ENTPD1: variants seen among roughly 807,000 people sequenced by gnomAD.
ENTPD1 encodes ATP diphosphohydrolase.
A neutral mutation model predicts 57.0 loss-of-function variants in ENTPD1; 33 were observed. The ratio of observed to expected loss-of-function variants is 0.58; its 90% CI spans 0.44 to 0.77. The LOEUF (loss-of-function observed/expected upper bound fraction) is 0.77, where lower values mean the gene tolerates loss of function less well. Ranked by LOEUF, ENTPD1 falls within the 30% of genes least tolerant of loss-of-function variation. ENTPD1 has a pLI of 0.00. For synonymous variants in ENTPD1, 202 were observed against 218.8 expected, an observed-to-expected ratio of 0.92 and a Z score of 0.68; for missense variants, 501 against 603.4, an observed-to-expected ratio of 0.83 and a Z score of 1.78.
intron 1 of ENTPD1, among the ~76,000 whole-genome samples, chr10:95,744,641 T>C (rs1165006448): frequency 6.6e-6 from 1 of 150,728 alleles, no homozygotes; most frequent in Non-Finnish European, 1.5e-5. Context: ...AAAAAGTGAC[T>C]AGGTCAGCAC....
At chr10:95,722,797 C>A (rs951908110) in intron 1 of ENTPD1, among the ~76,000 whole-genome samples, 1 of 152,136 alleles carries the variant, frequency 6.6e-6, no homozygotes, top group Non-Finnish European at 1.5e-5. Context: ...AGATTTAAAT[C>A]CCCTGTTAGG....
intron 1 of ENTPD1, among the ~76,000 whole-genome samples, chr10:95,749,056 A>C (rs2098009034): frequency 6.6e-6 from 1 of 152,180 alleles, no homozygotes; most frequent in Non-Finnish European, 1.5e-5. Context: ...CCCTTTTGTT[A>C]TGTGAACAGT....
intron 1 of ENTPD1, among the ~76,000 whole-genome samples, chr10:95,724,325 A>G (rs1443169525): frequency 6.6e-6 from 1 of 152,172 alleles, no homozygotes. Flanking sequence ...AAGTGGTCCA[A>G]TATTACCACT....
chr10:95,750,821 G>A (rs528352007), upstream of ENTPD1, among the ~76,000 whole-genome samples: 22 of 152,212 alleles, frequency 1.4e-4, no homozygotes, highest in South Asian at 4.1e-4. Context: ...TCAGGAGTTC[G>A]AGACCAGCCT....
intron 1 of ENTPD1, among the ~76,000 whole-genome samples, chr10:95,749,598 G>A (rs970639726): frequency 6.6e-6 from 1 of 152,196 alleles, no homozygotes; most frequent in East Asian, 1.9e-4. Flanking sequence ...GGGATAGAAG[G>A]TAATGATTTA....
At chr10:95,801,513 G>A (rs1383235177) in intron 1 of ENTPD1, among the ~76,000 whole-genome samples, 1 of 152,056 alleles carries the variant, frequency 6.6e-6, no homozygotes, top group African/African-American at 2.4e-5. Flanking sequence ...GGTTGTAGAT[G>A]TGTGGCCTTA....
At chr10:95,713,059 G>A (rs1484646498) in intron 1 of ENTPD1, among the ~76,000 whole-genome samples, 1 of 150,844 alleles carries the variant, frequency 6.6e-6, no homozygotes, top group Non-Finnish European at 1.5e-5. Context: ...AAAATAGGCT[G>A]TGGCGGCAAG....
At chr10:95,716,423 G>A (rs1186216159) in intron 1 of ENTPD1, among the ~76,000 whole-genome samples, 3 of 152,166 alleles carry the variant, frequency 2.0e-5, no homozygotes, top group African/African-American at 7.2e-5. Context: ...AACTCATGTT[G>A]AGGCTTGGTC....
At chr10:95,726,762 G>A (rs759307301) in intron 1 of ENTPD1, among the ~76,000 whole-genome samples, 8 of 152,040 alleles carry the variant, frequency 5.3e-5, no homozygotes, top group East Asian at 1.9e-4. Context: ...ATTTTGGGGG[G>A]TTTATCTCTG....
intron 1 of ENTPD1, among the ~76,000 whole-genome samples, chr10:95,810,107 G>T (rs1381630245): frequency 7.0e-6 from 1 of 143,832 alleles, no homozygotes; most frequent in African/African-American, 2.6e-5. Flanking sequence ...CGGACAGGGC[G>T]GCCGGGCAGA....
chr10:95,873,068 T>C lies in ENTPD1; in HGVS notation c.*6685T>C. 1 of 925,842 alleles carries C rather than the reference T, an allele frequency of 1.1e-6. No individual in the cohort carries two copies. The highest frequency in any genetic ancestry group is 1.3e-6 in the Non-Finnish European group (1 of 775,650). 57.4% of individuals were successfully genotyped at this position (925,842 alleles called of 1,614,324 possible). On this transcript the variant is annotated 3_prime_UTR_variant, in exon 10 of 10. Coordinates refer to ENST00000371205, the MANE Select transcript of ENTPD1 (RefSeq NM_001776.6). ...TGAAATAAAAATTATTTAATTTTAA[T>C]TAATATAAATAATTCAGTAGGTCTG...
At chr10:95,838,044 T>C (rs2098414683) in intron 2 of ENTPD1, among the ~76,000 whole-genome samples, 1 of 151,994 alleles carries the variant, frequency 6.6e-6, no homozygotes, top group African/African-American at 2.4e-5. Context: ...TGGCAGACCA[T>C]ACTTTGAGGT....
Position 95,866,746 on chromosome 10 carries a change from G to A in ENTPD1, c.*363G>A. 2 of 1,136,882 alleles carry A rather than the reference G, an allele frequency of 1.8e-6. No individual in the cohort carries two copies. The highest frequency in any genetic ancestry group is 4.5e-5 in the Admixed American group (1 of 22,354). 70.4% of individuals were successfully genotyped at this position (1,136,882 alleles called of 1,614,324 possible). On this transcript the variant is annotated 3_prime_UTR_variant, in exon 10 of 10. Coordinates refer to ENST00000371205, the MANE Select transcript of ENTPD1 (RefSeq NM_001776.6). ...CTTGAGTCCTGTGATAGGAGGCTGA[G>A]CTGGCTGAAAGAAGAATCTCAGGAA...
At chr10:95,825,514 G>A (rs2140588126) in intron 2 of ENTPD1, among the ~76,000 whole-genome samples, 1 of 152,198 alleles carries the variant, frequency 6.6e-6, no homozygotes, top group Non-Finnish European at 1.5e-5. Flanking sequence ...ACACTTATTT[G>A]GATATTTGTA....
intron 1 of ENTPD1, among the ~76,000 whole-genome samples, chr10:95,800,343 G>A (rs548743078): frequency 2.6e-5 from 4 of 152,258 alleles, no homozygotes; most frequent in Non-Finnish European, 4.4e-5. Context: ...CAGGGAGTAA[G>A]TCACAAAGAT....
At chr10:95,704,197 T>C in the ENTPD1 span, among the ~76,000 whole-genome samples, 2 of 152,184 alleles carry the variant, frequency 1.3e-5, no homozygotes, top group Admixed American at 6.5e-5. Context: ...GAAAGACTTA[T>C]TAATGAAAAC....
the ENTPD1 span, among the ~76,000 whole-genome samples, chr10:95,699,638 GAA>G: frequency 2.2e-4 from 34 of 151,370 alleles, no homozygotes; most frequent in Non-Finnish European, 1.5e-4. Context: ...TTGAGAGAGA[GAA>G]AGAGAGAAGA....
intron 1 of ENTPD1, among the ~76,000 whole-genome samples, chr10:95,740,445 G>A (rs1218569085): frequency 6.6e-6 from 1 of 152,160 alleles, no homozygotes; most frequent in Non-Finnish European, 1.5e-5. Flanking sequence ...AATTCTTAAA[G>A]GCCCTAGGAT....
chr10:95,869,913 A>G lies in ENTPD1; in HGVS notation c.*3530A>G, dbSNP rs1041385321. On this transcript the variant is annotated 3_prime_UTR_variant, in exon 10 of 10. Transcript: ENST00000371205. Reference sequence around the variant, plus strand: ...CTTAATTAGGACTAGCTGTGTGTTCACCTCACATGTGGCTTGTAGCTACCA... The same window carrying G: ...CTTAATTAGGACTAGCTGTGTGTTCGCCTCACATGTGGCTTGTAGCTACCA... 1.1e-5 allele frequency: 10 copies of G among 946,062 alleles called. No homozygotes were observed. Among genetic ancestry groups the G allele is most frequent in the Non-Finnish European group, 7.6e-6 (6 of 794,254 alleles). The allele number at this position is 946,062 out of a possible 1,614,324, so 58.6% of individuals were successfully genotyped here.
Sources: allele counts gnomAD v4.1 joint callset (sites outside exome capture counted in the v4.1 genomes callset), GRCh38; gene constraint gnomAD v4.1.1; transcripts MANE v1.5; gene names NCBI Gene and HGNC (gene_info 2026-07-23, HGNC 2026-07-21).